VPS13A: variants seen among roughly 807,000 people sequenced by gnomAD.
The protein encoded by VPS13A is vacuolar protein sorting 13 homolog A.
Under a neutral mutation model 390.9 loss-of-function variants are expected in VPS13A, and 264 were observed. That is an observed-to-expected ratio of 0.68 (90% confidence interval 0.61 to 0.75). The LOEUF (loss-of-function observed/expected upper bound fraction) is 0.75, where lower values mean the gene tolerates loss of function less well. VPS13A is among the 30% of genes least tolerant of loss of function. The probability of loss-of-function intolerance (pLI) is 0.00; values close to 1 mark genes in which losing one functional copy is unlikely to be tolerated. For synonymous variants in VPS13A, 1,231 were observed against 1,227.1 expected, an observed-to-expected ratio of 1.00 and a Z score of -0.07; for missense variants, 3,409 against 3,733.9, an observed-to-expected ratio of 0.91 and a Z score of 2.27.
chr9:77,288,846 G>C (rs1034418098), intron 31 of VPS13A, among the ~76,000 whole-genome samples: 2 of 151,012 alleles, frequency 1.3e-5, no homozygotes, highest in Non-Finnish European at 3.0e-5. Context: ...CCATTGATTT[G>C]CCTGTTTCTC....
At chr9:77,337,760 A>T (rs1830612121) in intron 47 of VPS13A, 2 of 472,940 alleles carry the variant, frequency 4.2e-6, no homozygotes, top group East Asian at 6.9e-5. Flanking sequence ...ATTATGTTGT[A>T]TTCTTTTAGT....
intron 69 of VPS13A, 128 bp downstream of exon 69, chr9:77,403,449 A>G (rs1347134652): frequency 1.3e-6 from 1 of 798,344 alleles, no homozygotes; most frequent in Non-Finnish European, 2.1e-6. Flanking sequence ...CTTGCTCCAC[A>G]AGCCTAACTC....
intron 17 of VPS13A, among the ~76,000 whole-genome samples, chr9:77,229,161 C>G (rs2131203929): frequency 6.6e-6 from 1 of 152,182 alleles, no homozygotes; most frequent in African/African-American, 2.4e-5. Context: ...TCACTGCAGT[C>G]TCTGCTTCCT....
At chr9:77,402,898 A>G (rs1834449963) in intron 68 of VPS13A, among the ~76,000 whole-genome samples, 1 of 152,222 alleles carries the variant, frequency 6.6e-6, no homozygotes, top group African/African-American at 2.4e-5. Context: ...GTGTTTTTGT[A>G]CAAATATTAT....
chr9:77,413,790 A>G (rs953423518), intron 71 of VPS13A, among the ~76,000 whole-genome samples: 1 of 152,250 alleles, frequency 6.6e-6, no homozygotes, highest in Non-Finnish European at 1.5e-5. Context: ...AGAAGCTACC[A>G]TCAGATTGAA....
chr9:77,187,429 A>G (rs1440924434), intron 1 of VPS13A, among the ~76,000 whole-genome samples: 4 of 152,146 alleles, frequency 2.6e-5, no homozygotes, highest in African/African-American at 2.4e-5. Context: ...ATCCTAATGG[A>G]TATGAGGTGG....
intron 23 of VPS13A, among the ~76,000 whole-genome samples, chr9:77,267,854 G>C (rs1378107346): frequency 3.9e-5 from 6 of 152,246 alleles, no homozygotes; most frequent in African/African-American, 7.2e-5. Flanking sequence ...TTCTTTCAGA[G>C]ATGCCCTGTC....
In VPS13A at chr9:77,240,079, T is replaced by C. The variant is rs549120511; in HGVS notation, c.1900+1693T>C. Among the ~76,000 whole-genome samples, 17 of 152,182 alleles carry C rather than the reference T, an allele frequency of 1.1e-4. 2 individuals are homozygous for C. The South Asian group carries it at 2.5e-3, about 22-fold the overall frequency. The stretch of plus-strand genomic sequence containing the variant: ...AATTACTTGTGCATTTACTACCTTC[T>C]TTGCTCTTCATTTCTCTTATAGCTT... On this transcript the variant is annotated intron_variant, in intron 19 of 71. Coordinates refer to ENST00000360280, the MANE Select transcript of VPS13A (RefSeq NM_033305.3).
chr9:77,404,976 G>C (rs189439983), intron 69 of VPS13A, among the ~76,000 whole-genome samples: 2 of 151,850 alleles, frequency 1.3e-5, no homozygotes, highest in African/African-American at 4.8e-5. Context: ...TTCCATCCTA[G>C]CCAGGAGTCA....
At chr9:77,205,484 T>C (rs968745949) in intron 4 of VPS13A, 76 bp downstream of exon 4, 1 of 669,936 alleles carries the variant, frequency 1.5e-6, no homozygotes, top group Non-Finnish European at 2.2e-6. Context: ...TTCAAAATAC[T>C]TTTGGAATTT....
intron 34 of VPS13A, among the ~76,000 whole-genome samples, chr9:77,303,672 GTCAGCAAAAAACGTGTGAGCAAAAGA>G (rs1828519832): frequency 6.6e-6 from 1 of 152,094 alleles, no homozygotes; most frequent in Non-Finnish European, 1.5e-5. Flanking sequence ...TAAGGAGAAG[GTCAGCAAAAAACGTGTGAGCAAAAGA>G]ATCTATGTCA....
chr9:77,201,303 C>A (rs1347174771), intron 2 of VPS13A, 62 bp from the exon 3 acceptor site: 2 of 1,165,810 alleles, frequency 1.7e-6, no homozygotes, highest in South Asian at 1.3e-5. Flanking sequence ...AAAGAGTATT[C>A]ATTTATGTTG....
intron 56 of VPS13A, 47 bp downstream of exon 56, chr9:77,357,885 C>A: frequency 1.3e-6 from 2 of 1,533,734 alleles, no homozygotes; most frequent in Non-Finnish European, 8.9e-7. Context: ...TAAAGGAATG[C>A]AATAAGAAAC....
intron 44 of VPS13A, among the ~76,000 whole-genome samples, chr9:77,322,524 T>A (rs1829806813): frequency 6.6e-6 from 1 of 151,054 alleles, no homozygotes; most frequent in Admixed American, 6.6e-5. Flanking sequence ...ATTAATGTTC[T>A]TATAAATTTT....
At position 77,416,653 on chromosome 9, in the gene VPS13A, C is replaced by A. The variant is rs1367584661; in HGVS notation, c.*647C>A. On this transcript the variant is annotated 3_prime_UTR_variant, in exon 72 of 72. Transcript: ENST00000360280. ...AGATTGAAGCCTCCCCTTAAGAAAC[C>A]TTAAAGAAATAAGTATCCTACTCAA... 6.6e-6 allele frequency: 1 copy of A among 152,268 alleles called. No homozygotes were observed. Among genetic ancestry groups the A allele is most frequent in the Admixed American group, 6.6e-5 (1 of 15,254 alleles). The allele number at this position is 152,268 out of a possible 1,614,324, so 9.4% of individuals were successfully genotyped here. A position where few individuals can be genotyped will look rare whatever the true frequency, so the allele number is the denominator to read the frequency against.
At chr9:77,207,709 G>A (rs914320785) in intron 5 of VPS13A, among the ~76,000 whole-genome samples, 3 of 151,958 alleles carry the variant, frequency 2.0e-5, no homozygotes, top group Admixed American at 1.3e-4. Context: ...TATTGGGCTG[G>A]GAGAGAAGGG....
intron 5 of VPS13A, among the ~76,000 whole-genome samples, chr9:77,207,254 A>ATATATATATATATATATATATAT (rs1564630578): frequency 1.9e-5 from 1 of 53,472 alleles, no homozygotes; most frequent in Non-Finnish European, 4.6e-5. Flanking sequence ...TATATATATA[A>ATATATATATATATATATATATAT]AACGTGTTAT....
chr9:77,329,052 C>A (rs1283252841), intron 45 of VPS13A, among the ~76,000 whole-genome samples: 1 of 152,128 alleles, frequency 6.6e-6, no homozygotes, highest in Non-Finnish European at 1.5e-5. Flanking sequence ...AACTCATTCA[C>A]CATCACGAGA....
intron 45 of VPS13A, among the ~76,000 whole-genome samples, chr9:77,325,408 T>G (rs541165188): frequency 5.3e-5 from 8 of 150,576 alleles, no homozygotes; most frequent in Admixed American, 2.0e-4. Flanking sequence ...CTTGTTTTTT[T>G]TTTTTTTTTT....
Sources: gnomAD v4.1 joint callset for allele counts (sites outside exome capture counted in the v4.1 genomes callset) on GRCh38, gnomAD v4.1.1 for gene constraint, MANE v1.5 for transcripts, NCBI Gene and HGNC (gene_info 2026-07-23, HGNC 2026-07-21) for gene names.